Variants in MDGA1 observed in about 807,000 individuals in gnomAD.
MDGA1 encodes MAM domain-containing glycosylphosphatidylinositol anchor protein 1.
A neutral mutation model predicts 101.5 loss-of-function variants in MDGA1; 54 were observed. The observed-to-expected ratio is 0.53, with a 90% CI of 0.43 to 0.67. The LOEUF is 0.67. MDGA1 is among the 30% of genes least tolerant of loss of function. MDGA1 has a pLI of 0.00. For missense variants in MDGA1, 1,083 were observed against 1,323.8 expected, an observed-to-expected ratio of 0.82 and a Z score of 2.82; for synonymous variants, 533 against 558.3, an observed-to-expected ratio of 0.95 and a Z score of 0.64.
Position 37,650,220 on chromosome 6 carries a change from G to A in MDGA1, c.1498C>T (p.Arg500Trp), listed in dbSNP as rs757956126. The change falls in exon 8 of 17, where the codon CGG (arginine) becomes TGG (tryptophan). Residue 500 changes from arginine (R) to tryptophan (W), a missense_variant. Coordinates refer to ENST00000434837, the MANE Select transcript of MDGA1 (RefSeq NM_153487.4). The stretch of plus-strand genomic sequence containing the variant: ...ATGTCTCGGCTCACTCGCTCCAGCC[G>A]CAGCTTCCCGTCCGGAGTCTCCTCC... ...PLEETPDGKL[R>W]LERVSRDMSG... 3 of 1,611,484 alleles carry A rather than the reference G, an allele frequency of 1.9e-6. No homozygotes were observed. Among genetic ancestry groups the A allele is most frequent in the South Asian group, 2.2e-5 (2 of 90,676 alleles).
intron 2 of MDGA1, among the ~76,000 whole-genome samples, chr6:37,662,688 A>G (rs993018596): frequency 6.6e-6 from 1 of 151,934 alleles, no homozygotes; most frequent in Non-Finnish European, 1.5e-5. Context: ...GAGGAATGAG[A>G]AGATGCAAGG....
rs1357847229 is a variant in MDGA1 at position 37,649,113 on chromosome 6, A to C, written c.1763T>G (p.Val588Gly). Reference sequence around the variant, plus strand: ...ATCCGGCGCCTCGGCGGCGGCGGGAACAACAGGCGGCGGCGGCAGCAGCTG... The same window carrying C: ...ATCCGGCGCCTCGGCGGCGGCGGGACCAACAGGCGGCGGCGGCAGCAGCTG... ...KGQLLPPPPV[V>G]PAAAEAPDHA... Residue 588 changes from valine (V) to glycine (G), a missense_variant, in exon 9 of 17, where the codon GTT becomes GGT. Transcript: ENST00000434837. 6.6e-7 allele frequency: 1 copy of C among 1,519,498 alleles called. No homozygotes were observed. The highest frequency in any genetic ancestry group is 8.8e-7 in the Non-Finnish European group (1 of 1,136,788). The allele number at this position is 1,519,498 out of a possible 1,614,324, so 94.1% of individuals were successfully genotyped here.
intron 1 of MDGA1, among the ~76,000 whole-genome samples, chr6:37,687,284 G>A (rs1475314658): frequency 6.6e-6 from 1 of 151,918 alleles, no homozygotes; most frequent in Non-Finnish European, 1.5e-5. Context: ...GATCAGGCAT[G>A]GTGGCTCACA....
rs370122858 is a variant in MDGA1 at position 37,696,114 on chromosome 6, G to A, written c.67+631C>T. ...TGAATGTATCTGTGTGTGCGCGCAG[G>A]AAGGAAGGTGGGGTTGGGGTTTGTA... On this transcript the variant is annotated intron_variant, in intron 1 of 16. Transcript: ENST00000434837. This position sits in a 1 kb window ranked among gnomAD's most constrained non-coding sequence, Gnocchi z 5.6. Among the ~76,000 whole-genome samples, 4 of 152,202 alleles carry A rather than the reference G, an allele frequency of 2.6e-5. No homozygotes were observed. The highest frequency in any genetic ancestry group is 2.0e-4 in the Admixed American group (3 of 15,288).
chr6:37,679,358 T>A (rs1367714565), intron 1 of MDGA1, among the ~76,000 whole-genome samples: 1 of 152,102 alleles, frequency 6.6e-6, no homozygotes, highest in Non-Finnish European at 1.5e-5. Context: ...GGAGGGAGGC[T>A]GCCCCTTGGG....
At chr6:37,647,729 T>A (rs575560442) in intron 9 of MDGA1, among the ~76,000 whole-genome samples, 10 of 132,706 alleles carry the variant, frequency 7.5e-5, no homozygotes, top group African/African-American at 2.0e-4. Flanking sequence ...AGGAGGGGAA[T>A]AGAGAGAGGA....
At chr6:37,680,240 T>C (rs1319661057) in intron 1 of MDGA1, among the ~76,000 whole-genome samples, 4 of 152,202 alleles carry the variant, frequency 2.6e-5, no homozygotes, top group Admixed American at 6.5e-5. Flanking sequence ...CCAGCTGCCA[T>C]GGCACCACCT....
At position 37,681,004 on chromosome 6, in the gene MDGA1, C is replaced by G. The variant is rs113775274; in HGVS notation, c.67+15741G>C. 5.7e-3 allele frequency among the ~76,000 whole-genome samples: 868 copies of G among 152,214 alleles called. 6 individuals are homozygous for G. Among genetic ancestry groups the G allele is most frequent in the African/African-American group, 0.019 (801 of 41,538 alleles). ...CCCACCCTTCCTCCTCAGCCCCCCC[C>G]CCCCAGGAAACCTGGGCAGGACCAG... On this transcript the variant is annotated intron_variant, in intron 1 of 16. Transcript: ENST00000434837.
intron 14 of MDGA1, among the ~76,000 whole-genome samples, chr6:37,640,392 C>G (rs1764038728): frequency 6.6e-6 from 1 of 151,854 alleles, no homozygotes; most frequent in Admixed American, 6.6e-5. Flanking sequence ...GGGACAGGGT[C>G]TTGGTGGTAC....
At chr6:37,686,348 C>T (rs1167724090) in intron 1 of MDGA1, among the ~76,000 whole-genome samples, 1 of 129,296 alleles carries the variant, frequency 7.7e-6, no homozygotes, top group Middle Eastern at 3.6e-3. Context: ...ACTGGAATCA[C>T]GTAGGGACTT....
rs1466895450 is a variant in MDGA1 at position 37,633,469 on chromosome 6, G to A, written c.*3899C>T. 1 of 152,300 alleles carries A rather than the reference G, an allele frequency of 6.6e-6. No individual in the cohort carries two copies. The highest frequency in any genetic ancestry group is 1.5e-5 in the Non-Finnish European group (1 of 68,100). 9.4% of individuals were successfully genotyped at this position (152,300 alleles called of 1,614,324 possible). On this transcript the variant is annotated 3_prime_UTR_variant, in exon 17 of 17. Coordinates refer to ENST00000434837, the MANE Select transcript of MDGA1 (RefSeq NM_153487.4). ...CCCTCCCGGTCTTTGGGGAAACCAA[G>A]AGGATGAGCACATGAGAACATGCTG...
intron 1 of MDGA1, among the ~76,000 whole-genome samples, chr6:37,695,177 G>A (rs1762390739): frequency 1.3e-5 from 2 of 152,058 alleles, no homozygotes; most frequent in African/African-American, 4.8e-5. Context: ...ATGCAGGAAG[G>A]GCTCTCCATC....
chr6:37,675,052 A>G (rs138187935), intron 1 of MDGA1, among the ~76,000 whole-genome samples: 155 of 152,256 alleles, frequency 1.0e-3, no homozygotes, highest in African/African-American at 3.5e-3. Flanking sequence ...GAGAGACTAC[A>G]TCTCAAAAAA....
intron 1 of MDGA1, among the ~76,000 whole-genome samples, chr6:37,673,661 C>G (rs1259693538): frequency 6.6e-6 from 1 of 152,116 alleles, no homozygotes; most frequent in Admixed American, 6.5e-5. Context: ...CTCTGCAGAG[C>G]TGGCTGGAGC....
intron 1 of MDGA1, among the ~76,000 whole-genome samples, chr6:37,680,998 C>CT (rs955875488): frequency 8.6e-5 from 5 of 58,158 alleles, no homozygotes; most frequent in African/African-American, 3.7e-4. Flanking sequence ...CCTCCTCAGC[C>CT]CCCCCCCCCC....
chr6:37,655,278 C>T lies in MDGA1; in HGVS notation c.580-346G>A, dbSNP rs540918099. ...AAACATGGGGCTGGCCTGCAGCCACCGCTGAAAGCCCTCCTTGGCAGAATG... is the reference window on the plus strand; with the variant it reads ...AAACATGGGGCTGGCCTGCAGCCACTGCTGAAAGCCCTCCTTGGCAGAATG... On this transcript the variant is annotated intron_variant, in intron 4 of 16. Transcript: ENST00000434837. This position sits in a 1 kb window ranked among gnomAD's most constrained non-coding sequence, Gnocchi z 5.1. The T allele has an allele frequency of 1.1e-5, 4 of 358,492 alleles. No homozygotes were observed. The highest frequency in any genetic ancestry group is 5.5e-5 in the East Asian group (1 of 18,026). The allele number at this position is 358,492 out of a possible 1,614,324, so 22.2% of individuals were successfully genotyped here.
At chr6:37,660,034 CTCTTT>C (rs1761584731) in intron 2 of MDGA1, among the ~76,000 whole-genome samples, 1 of 72,398 alleles carries the variant, frequency 1.4e-5, no homozygotes, top group African/African-American at 3.9e-5. Flanking sequence ...CTTTATCTCT[CTCTTT>C]TTTTTTTTTT....
chr6:37,688,059 T>C (rs1012153327), intron 1 of MDGA1, among the ~76,000 whole-genome samples: 1 of 152,192 alleles, frequency 6.6e-6, no homozygotes, highest in East Asian at 1.9e-4. Flanking sequence ...TGGATTTTGT[T>C]TTTTTCCCAA....
Position 37,654,338 on chromosome 6 carries a change from G to A in MDGA1, c.918C>T (p.Tyr306=), listed in dbSNP as rs1761432938. The change falls in exon 6 of 17, where the codon TAC becomes TAT. Residue 306 remains tyrosine (Y), a synonymous_variant. Transcript: ENST00000434837. ...PSVQARDSGY[Y]NCTATNNVGN... Reference sequence around the variant, plus strand: ...CCACATTGTTGGTGGCTGTGCAGTTGTAGTAGCCAGAGTCCCGGGCCTGCA... The same window carrying A: ...CCACATTGTTGGTGGCTGTGCAGTTATAGTAGCCAGAGTCCCGGGCCTGCA... 2 of 1,606,834 alleles carry A rather than the reference G, an allele frequency of 1.2e-6. No individual in the cohort carries two copies. Among genetic ancestry groups the A allele is most frequent in the Admixed American group, 1.7e-5 (1 of 59,190 alleles).
Sources: allele counts gnomAD v4.1 joint callset (sites outside exome capture counted in the v4.1 genomes callset), GRCh38; gene constraint gnomAD v4.1.1; non-coding constraint Gnocchi (gnomAD v3.1); transcripts MANE v1.5; gene names NCBI Gene and HGNC (gene_info 2026-07-23, HGNC 2026-07-21).